The following EML5 variants were observed in gnomAD, a reference collection of about 807,000 sequenced individuals.
EML5 encodes EMAP like 5.
A neutral mutation model predicts 250.0 loss-of-function variants in EML5; 120 were observed. The ratio of observed to expected loss-of-function variants is 0.48; its 90% CI spans 0.41 to 0.56. The LOEUF is 0.56. Ranked by LOEUF, EML5 falls within the 20% of genes least tolerant of loss-of-function variation. The pLI is 0.00. For missense variants in EML5, 2,006 were observed against 2,437.6 expected (o/e 0.82, Z 3.73); for synonymous variants, 771 against 806.5 (o/e 0.96, Z 0.75).
In EML5 at chr14:88,706,366, T is replaced by C; in HGVS notation, c.1718A>G (p.His573Arg). 2 of 1,609,878 alleles carry C rather than the reference T, an allele frequency of 1.2e-6. No individual in the cohort carries two copies. Among genetic ancestry groups the C allele is most frequent in the African/African-American group, 2.7e-5 (2 of 74,946 alleles). Residue 573 changes from histidine to arginine, a missense_variant, in exon 11 of 44, where the codon CAT becomes CGT. Physicochemically the swap from His to Arg is conservative, Grantham distance 29 (BLOSUM62 0). Transcript: ENST00000554922. ...SAHVTNVRWS[H>R]DYQWVISIGG... is the part of the protein sequence containing the mutation. ...AATAGAAATAACCCACTGATAATCA[T>C]GTGACCATCTGACATTAGTTACGTG...
chr14:88,707,419 C>T (rs896910809), intron 10 of EML5, among the ~76,000 whole-genome samples: 2 of 152,094 alleles, frequency 1.3e-5, no homozygotes, highest in South Asian at 2.1e-4. Context: ...TGAGCCACCA[C>T]ATCTGACAGG....
At chr14:88,739,341 C>CT (rs1305074761) in intron 5 of EML5, among the ~76,000 whole-genome samples, 1 of 152,070 alleles carries the variant, frequency 6.6e-6, no homozygotes, top group Non-Finnish European at 1.5e-5. Context: ...ATAGGGAGGG[C>CT]TTTACATATG....
intron 22 of EML5, among the ~76,000 whole-genome samples, 159 bp downstream of exon 22, chr14:88,665,178 C>G (rs1410313012): frequency 6.6e-6 from 1 of 152,098 alleles, no homozygotes; most frequent in Non-Finnish European, 1.5e-5. Context: ...ATATTTGCAC[C>G]AATCTAACAA....
chr14:88,751,745 A>C (rs2094098651), intron 2 of EML5, among the ~76,000 whole-genome samples: 1 of 152,186 alleles, frequency 6.6e-6, no homozygotes, highest in Non-Finnish European at 1.5e-5. Context: ...ATATTTAAGA[A>C]GCAGACAAGG....
intron 35 of EML5, chr14:88,626,435 C>T (rs1478614550): frequency 5.5e-6 from 1 of 182,652 alleles, no homozygotes; most frequent in Non-Finnish European, 1.2e-5. Flanking sequence ...ACCTAGGCAA[C>T]ATAGCGAAAC....
intron 21 of EML5, among the ~76,000 whole-genome samples, chr14:88,667,589 C>A (rs2092340979): frequency 6.6e-6 from 1 of 152,162 alleles, no homozygotes; most frequent in South Asian, 2.1e-4. Flanking sequence ...CCTCTCAGTT[C>A]CAAATCTGCC....
intron 6 of EML5, among the ~76,000 whole-genome samples, 166 bp from the exon 7 acceptor site, chr14:88,736,731 T>C (rs935788727): frequency 1.3e-5 from 2 of 152,204 alleles, no homozygotes; most frequent in African/African-American, 2.4e-5. Context: ...GATAAATCCA[T>C]GGACCAACTG....
intron 36 of EML5, 124 bp from the exon 37 acceptor site, chr14:88,622,842 C>T: frequency 1.8e-6 from 1 of 548,262 alleles, no homozygotes; most frequent in Non-Finnish European, 3.0e-6. Context: ...TTATAATTTA[C>T]CTCTAATATT....
chr14:88,712,178 T>C (rs2139864218), intron 10 of EML5, 93 bp downstream of exon 10: 2 of 857,226 alleles, frequency 2.3e-6, no homozygotes, highest in Non-Finnish European at 3.6e-6. Flanking sequence ...TTTTAAAAAA[T>C]ATGAAATCCT....
In EML5 at chr14:88,634,456, T is replaced by C; in HGVS notation, c.4357+13A>G. On this transcript the variant is annotated intron_variant, in intron 33 of 43. Transcript: ENST00000554922. Reference sequence around the variant, plus strand: ...CAATATAAATAAAGCAGAAAATGTTTAGTTTTCCTTACCTGACATGTCTGC... The same window carrying C: ...CAATATAAATAAAGCAGAAAATGTTCAGTTTTCCTTACCTGACATGTCTGC... 6.8e-7 allele frequency: 1 copy of C among 1,460,056 alleles called. No homozygotes were observed. The highest frequency in any genetic ancestry group is 9.2e-7 in the Non-Finnish European group (1 of 1,090,436). The allele number at this position is 1,460,056 out of a possible 1,614,324, so 90.4% of individuals were successfully genotyped here.
rs1595298306 is a variant in EML5, at chr14:88,634,493, T to C, written c.4337-4A>G. 2.8e-6 allele frequency: 4 copies of C among 1,434,922 alleles called. No homozygotes were observed. Among genetic ancestry groups the C allele is most frequent in the East Asian group, 5.3e-5 (2 of 37,664 alleles). 88.9% of individuals were successfully genotyped at this position (1,434,922 alleles called of 1,614,324 possible). On this transcript the variant is annotated splice_polypyrimidine_tract_variant and splice_region_variant and intron_variant, in intron 32 of 43. Transcript: ENST00000554922. ...CCTGACATGTCTGCTGAATCACCTA[T>C]AATGGAAAATAATTATCTATAAATA...
chr14:88,642,030 T>A (rs2091092524), intron 31 of EML5, among the ~76,000 whole-genome samples: 1 of 152,172 alleles, frequency 6.6e-6, no homozygotes, highest in Admixed American at 6.5e-5. Context: ...TTCTGTGTGA[T>A]CCTGGTGAAT....
chr14:88,677,395 A>G (rs1755514166), intron 21 of EML5, among the ~76,000 whole-genome samples: 1 of 152,250 alleles, frequency 6.6e-6, no homozygotes, highest in Non-Finnish European at 1.5e-5. Context: ...AGGTACAGGC[A>G]AAGATTCAAT....
At position 88,792,887 on chromosome 14, in the gene EML5, C is replaced by G. The variant is rs543891382; in HGVS notation, c.-384G>C. Reference sequence around the variant, plus strand: ...GCCCCGGTCACCTGCGGCGCTCGCGCCCCGCCGCGGCTTTGTAGCCACAGC... The same window carrying G: ...GCCCCGGTCACCTGCGGCGCTCGCGGCCCGCCGCGGCTTTGTAGCCACAGC... On this transcript the variant is annotated 5_prime_UTR_variant, in exon 1 of 44. Transcript: ENST00000554922. The surrounding 1 kb of genome is among the most constrained non-coding windows in gnomAD (Gnocchi z 6.9). The G allele has an allele frequency of 3.7e-4, 113 of 308,594 alleles. 1 individual carries two copies. In the East Asian group the frequency reaches 0.017, roughly 46 times the overall value. The allele number at this position is 308,594 out of a possible 1,614,324, so 19.1% of individuals were successfully genotyped here. A position where few individuals can be genotyped will look rare whatever the true frequency, so the allele number is the denominator to read the frequency against.
At chr14:88,738,006 G>C (rs2093870823) in intron 6 of EML5, among the ~76,000 whole-genome samples, 1 of 152,030 alleles carries the variant, frequency 6.6e-6, no homozygotes, top group African/African-American at 2.4e-5. Context: ...TCTTAGGAAA[G>C]CTACCGTGTT....
chr14:88,706,007 G>C (rs981940802), intron 11 of EML5: 10 of 530,802 alleles, frequency 1.9e-5, no homozygotes, highest in Middle Eastern at 4.1e-4. Flanking sequence ...TGTTTGTTTT[G>C]CTATTAATAT....
chr14:88,616,216 A>G lies in EML5; in HGVS notation c.5823T>C (p.His1941=), dbSNP rs1456712081. ...ATCGAATATTTGTCACATGGGGCGA[A>G]TGACCCAAGAACCTTTTGTGTTTTG... The part of the protein sequence containing the change: ...KFAKHKRFLG[H]SPHVTNIRFT... Residue 1941 remains histidine, a synonymous_variant, in exon 43 of 44, where the codon CAT becomes CAC. Transcript: ENST00000554922. The G allele has an allele frequency of 6.2e-6, 10 of 1,613,794 alleles. No homozygotes were observed. Among genetic ancestry groups the G allele is most frequent in the Non-Finnish European group, 7.6e-6 (9 of 1,179,804 alleles).
chr14:88,639,453 T>C (rs1206844940), intron 31 of EML5, among the ~76,000 whole-genome samples: 1 of 152,246 alleles, frequency 6.6e-6, no homozygotes, highest in African/African-American at 2.4e-5. Context: ...CCTTCTGTTT[T>C]GGTTTCTCAA....
At chr14:88,786,901 T>G (rs889162307) in intron 1 of EML5, among the ~76,000 whole-genome samples, 1 of 152,182 alleles carries the variant, frequency 6.6e-6, no homozygotes, top group African/African-American at 2.4e-5. Flanking sequence ...ATGAACCAAC[T>G]ATGTCAAATC....
Sources: gnomAD v4.1 joint callset for allele counts (sites outside exome capture counted in the v4.1 genomes callset) on GRCh38, gnomAD v4.1.1 for gene constraint, Gnocchi (gnomAD v3.1) non-coding constraint, MANE v1.5 for transcripts, NCBI Gene and HGNC (gene_info 2026-07-23, HGNC 2026-07-21) for gene names.